EEPD1: variants seen among roughly 807,000 people sequenced by gnomAD.
EEPD1 encodes the protein endonuclease/exonuclease/phosphatase family domain containing 1.
A neutral mutation model predicts 46.3 loss-of-function variants in EEPD1; 17 were observed. The ratio of observed to expected loss-of-function variants is 0.37; its 90% confidence interval spans 0.25 to 0.55. The LOEUF (loss-of-function observed/expected upper bound fraction) is 0.55. EEPD1 is among the 20% of genes least tolerant of loss of function. EEPD1 has a pLI of 0.83. For synonymous variants in EEPD1, 313 were observed against 315.6 expected (o/e 0.99, Z 0.09); for missense variants, 673 against 745.6 (o/e 0.90, Z 1.13).
chr7:36,160,875 A>G (rs1784893923), intron 2 of EEPD1, among the ~76,000 whole-genome samples: 1 of 152,144 alleles, frequency 6.6e-6, no homozygotes, highest in South Asian at 2.1e-4. Flanking sequence ...AAATGCTCTG[A>G]GGTTTCTATG....
chr7:36,236,428 G>C (rs530781491), intron 2 of EEPD1, among the ~76,000 whole-genome samples: 1 of 152,344 alleles, frequency 6.6e-6, no homozygotes, highest in Admixed American at 6.5e-5. Context: ...GTGGACCGCC[G>C]TTCCCTCTTC....
At chr7:36,287,915 C>T in intron 6 of EEPD1, 138 bp downstream of exon 6, 2 of 1,250,676 alleles carry the variant, frequency 1.6e-6, no homozygotes, top group Non-Finnish European at 2.2e-6. Context: ...AGTCAAACCT[C>T]TGGCATCTCA....
chr7:36,194,512 A>C (rs934351895), intron 2 of EEPD1, among the ~76,000 whole-genome samples: 4 of 152,060 alleles, frequency 2.6e-5, no homozygotes, highest in Non-Finnish European at 5.9e-5. Flanking sequence ...CTTCCTTCCC[A>C]GGCTTGTTAC....
chr7:36,285,419 C>A (rs1787328579), intron 5 of EEPD1, among the ~76,000 whole-genome samples: 1 of 152,300 alleles, frequency 6.6e-6, no homozygotes, highest in Middle Eastern at 3.4e-3. Context: ...GGGCCAGGGG[C>A]AGTCCTGTCA....
intron 3 of EEPD1, among the ~76,000 whole-genome samples, chr7:36,239,480 G>C (rs1786516938): frequency 6.6e-6 from 1 of 152,046 alleles, no homozygotes; most frequent in Non-Finnish European, 1.5e-5. Context: ...CTAAGTAGAG[G>C]AGTGATGATT....
intron 4 of EEPD1, among the ~76,000 whole-genome samples, chr7:36,283,569 C>G (rs964996251): frequency 5.9e-5 from 9 of 152,150 alleles, no homozygotes; most frequent in Non-Finnish European, 1.3e-4. Flanking sequence ...CTGAGTGGGT[C>G]GCCCAGGGTC....
intron 3 of EEPD1, among the ~76,000 whole-genome samples, chr7:36,265,325 C>T (rs985272263): frequency 3.3e-5 from 5 of 150,368 alleles, no homozygotes; most frequent in Non-Finnish European, 7.4e-5. Context: ...AGTGACAATT[C>T]CTGAACAACT....
At chr7:36,198,350 A>AAG in intron 2 of EEPD1, among the ~76,000 whole-genome samples, 3 of 145,444 alleles carry the variant, frequency 2.1e-5, no homozygotes, top group African/African-American at 7.5e-5. Context: ...AAGAAAAAAA[A>AAG]AAAAAAAAGA....
At chr7:36,170,943 AAGATCTC>A (rs1193644554) in intron 2 of EEPD1, among the ~76,000 whole-genome samples, 3 of 152,146 alleles carry the variant, frequency 2.0e-5, no homozygotes, top group Non-Finnish European at 4.4e-5. Context: ...GTTTTGAGGC[AAGATCTC>A]ACTCTGTCAC....
chr7:36,298,541 C>G (rs1787562578), intron 7 of EEPD1, among the ~76,000 whole-genome samples: 1 of 152,236 alleles, frequency 6.6e-6, no homozygotes, highest in South Asian at 2.1e-4. Context: ...AATACCATTA[C>G]TTTCTCATAA....
chr7:36,244,952 G>A (rs999817136), intron 3 of EEPD1, among the ~76,000 whole-genome samples: 3 of 141,352 alleles, frequency 2.1e-5, no homozygotes, highest in East Asian at 2.1e-4. Context: ...TTTTTTTTTT[G>A]TTGTTTTTTT....
intron 4 of EEPD1, among the ~76,000 whole-genome samples, chr7:36,282,472 C>T (rs1787276976): frequency 6.6e-6 from 1 of 152,218 alleles, no homozygotes; most frequent in Admixed American, 6.5e-5. Context: ...GCAGGGAGTG[C>T]ACAGCCTGTT....
At chr7:36,294,194 C>A (rs1272167913) in intron 6 of EEPD1, among the ~76,000 whole-genome samples, 1 of 152,010 alleles carries the variant, frequency 6.6e-6, no homozygotes, top group African/African-American at 2.4e-5. Context: ...TTAAAGTTAA[C>A]ATGAGTTTAG....
intron 2 of EEPD1, among the ~76,000 whole-genome samples, chr7:36,171,981 A>T (rs775294527): frequency 1.3e-5 from 2 of 152,196 alleles, no homozygotes; most frequent in Non-Finnish European, 2.9e-5. Flanking sequence ...TTTAAAACAT[A>T]AAAAAATGCT....
At chr7:36,190,034 A>G (rs937645766) in intron 2 of EEPD1, among the ~76,000 whole-genome samples, 7 of 151,816 alleles carry the variant, frequency 4.6e-5, no homozygotes, top group Non-Finnish European at 8.8e-5. Flanking sequence ...GGCATGTGGA[A>G]AAGCGTGGAA....
chr7:36,205,777 C>A (rs897522711), intron 2 of EEPD1, among the ~76,000 whole-genome samples: 1 of 152,182 alleles, frequency 6.6e-6, no homozygotes, highest in Non-Finnish European at 1.5e-5. Context: ...TAAACCAGGT[C>A]TCTGGCTATT....
chr7:36,218,010 T>C (rs570086517), intron 2 of EEPD1, among the ~76,000 whole-genome samples: 1 of 152,360 alleles, frequency 6.6e-6, no homozygotes, highest in South Asian at 2.1e-4. Flanking sequence ...TCACTCTTAC[T>C]CTTTCCTAGA....
chr7:36,297,501 ATAATTTTAGAACACCCACTGACC>A (rs148389186), intron 7 of EEPD1, among the ~76,000 whole-genome samples: 137 of 152,262 alleles, frequency 9.0e-4, no homozygotes, highest in African/African-American at 3.1e-3. Context: ...AGTGTGACAA[ATAATTTTAGAACACCCACTGACC>A]TACAGCAAGC....
intron 3 of EEPD1, 137 bp downstream of exon 3, chr7:36,239,173 C>A (rs1476383548): frequency 1.1e-6 from 1 of 880,366 alleles, no homozygotes; most frequent in Non-Finnish European, 1.8e-6. Context: ...GACAGCGAAT[C>A]ATGCAGAATT....
Sources: gnomAD v4.1 joint callset for allele counts (sites outside exome capture counted in the v4.1 genomes callset) on GRCh38, gnomAD v4.1.1 for gene constraint, MANE v1.5 for transcripts, NCBI Gene and HGNC (gene_info 2026-07-23, HGNC 2026-07-21) for gene names.